The following RALYL variants were observed in gnomAD, a reference collection of about 807,000 sequenced individuals.
RALYL encodes the protein RNA-binding Raly-like protein.
Under a neutral mutation model 35.1 loss-of-function variants are expected in RALYL, and 29 were observed. The ratio of observed to expected loss-of-function variants is 0.83; its 90% confidence interval spans 0.61 to 1.13. RALYL has a LOEUF of 1.13. RALYL is among the 50% of genes most tolerant of loss of function. The probability of loss-of-function intolerance (pLI) is 0.00; values close to 1 mark genes in which losing one functional copy is unlikely to be tolerated. For synonymous variants in RALYL, 120 were observed against 127.6 expected, an observed-to-expected ratio of 0.94 and a Z score of 0.40; for missense variants, 359 against 360.4, an observed-to-expected ratio of 1.00 and a Z score of 0.03.
chr8:84,694,730 T>A (rs1352411663), intron 2 of RALYL, among the ~76,000 whole-genome samples: 2 of 151,840 alleles, frequency 1.3e-5, no homozygotes, highest in Non-Finnish European at 2.9e-5. Context: ...GTAATCAAAG[T>A]GGCATGGTAC....
At chr8:84,598,203 C>G (rs978893098) in intron 2 of RALYL, among the ~76,000 whole-genome samples, 1 of 152,128 alleles carries the variant, frequency 6.6e-6, no homozygotes, top group African/African-American at 2.4e-5. Flanking sequence ...GTCTTGCTCT[C>G]TCACCCAACC....
At chr8:84,208,864 C>G (rs10504798) in intron 1 of RALYL, among the ~76,000 whole-genome samples, 43,112 of 151,706 alleles carry the variant, frequency 0.28, 6,541 homozygotes, top group African/African-American at 0.39. Context: ...ATATAAGAGA[C>G]TTCTTTAACT....
intron 1 of RALYL, among the ~76,000 whole-genome samples, chr8:84,288,095 C>T (rs1838015204): frequency 6.6e-6 from 1 of 152,150 alleles, no homozygotes; most frequent in Non-Finnish European, 1.5e-5. Flanking sequence ...AGTGTGGAAA[C>T]AGAGCTGAGC....
At chr8:84,862,026 G>T (rs1477278907) in intron 5 of RALYL, among the ~76,000 whole-genome samples, 1 of 152,186 alleles carries the variant, frequency 6.6e-6, no homozygotes, top group Non-Finnish European at 1.5e-5. Context: ...TACTGTTGGA[G>T]CAAAGCTCCT....
intron 7 of RALYL, among the ~76,000 whole-genome samples, chr8:84,882,739 A>ACACACATACACACTCACACAAT (rs1563803891): frequency 6.6e-6 from 1 of 152,054 alleles, no homozygotes; most frequent in Non-Finnish European, 1.5e-5. Flanking sequence ...ATACACACAA[A>ACACACATACACACTCACACAAT]CACACATACA....
At chr8:84,713,053 CTTTTCTTCTATG>C (rs1159220389) in intron 2 of RALYL, among the ~76,000 whole-genome samples, 1 of 152,020 alleles carries the variant, frequency 6.6e-6, no homozygotes, top group African/African-American at 2.4e-5. Context: ...TGTCAAGAAG[CTTTTCTTCTATG>C]TTTTCTTCTA....
chr8:84,844,303 G>T (rs1188245146), intron 4 of RALYL, among the ~76,000 whole-genome samples: 3 of 152,118 alleles, frequency 2.0e-5, no homozygotes, highest in Non-Finnish European at 2.9e-5. Flanking sequence ...CAAAAAGTGG[G>T]CAAAGGACCT....
chr8:84,621,246 C>T (rs1014098696), intron 2 of RALYL, among the ~76,000 whole-genome samples: 11 of 152,128 alleles, frequency 7.2e-5, no homozygotes, highest in Non-Finnish European at 1.3e-4. Context: ...AGGGAGACTC[C>T]GTGGGCGTGG....
chr8:84,467,646 A>T (rs1248031217), intron 1 of RALYL, among the ~76,000 whole-genome samples: 1 of 151,988 alleles, frequency 6.6e-6, no homozygotes. Flanking sequence ...AGTTCTGTAG[A>T]TGTCTATTAG....
chr8:84,403,027 ATTTG>A (rs1354674234), intron 1 of RALYL, among the ~76,000 whole-genome samples: 7 of 152,182 alleles, frequency 4.6e-5, no homozygotes, highest in South Asian at 2.1e-4. Flanking sequence ...CTTCTTATAA[ATTTG>A]TTTAAGTTCC....
chr8:84,348,365 C>T (rs370225257), intron 1 of RALYL, among the ~76,000 whole-genome samples: 1 of 152,056 alleles, frequency 6.6e-6, no homozygotes, highest in Non-Finnish European at 1.5e-5. Flanking sequence ...GGCTTGCATG[C>T]ACTTTTTCTG....
intron 6 of RALYL, 150 bp downstream of exon 6, chr8:84,862,603 G>T: frequency 3.1e-6 from 2 of 645,856 alleles, no homozygotes; most frequent in Non-Finnish European, 2.3e-6. Context: ...GATAAAAAAT[G>T]GTCTCTGCTT....
intron 1 of RALYL, among the ~76,000 whole-genome samples, chr8:84,454,341 A>G (rs754199748): frequency 0.043 from 6,540 of 152,014 alleles, 167 homozygotes; most frequent in Middle Eastern, 0.078. Context: ...CTTTTTTAAA[A>G]ATCTGGTATC....
At chr8:84,679,825 G>A (rs1025754708) in intron 2 of RALYL, 3 of 422,154 alleles carry the variant, frequency 7.1e-6, no homozygotes, top group South Asian at 1.9e-5. Flanking sequence ...TGATCTAGAG[G>A]GTCAGACTCA....
chr8:84,250,780 A>G (rs576709702), intron 1 of RALYL, among the ~76,000 whole-genome samples: 3 of 152,282 alleles, frequency 2.0e-5, no homozygotes, highest in South Asian at 4.1e-4. Flanking sequence ...GACTTTTACT[A>G]AAGATTTATC....
At chr8:84,470,257 G>A (rs2052536623) in intron 1 of RALYL, among the ~76,000 whole-genome samples, 1 of 152,066 alleles carries the variant, frequency 6.6e-6, no homozygotes, top group Non-Finnish European at 1.5e-5. Context: ...ATAACATTAA[G>A]AGAATGATTA....
At chr8:84,554,047 C>A (rs62528222) in intron 2 of RALYL, among the ~76,000 whole-genome samples, 10,657 of 152,122 alleles carry the variant, frequency 0.07, 553 homozygotes, top group South Asian at 0.25. Context: ...GTTTTATTTT[C>A]TTATATTTCT....
chr8:84,425,731 C>G (rs2046333973), intron 1 of RALYL, among the ~76,000 whole-genome samples: 2 of 151,832 alleles, frequency 1.3e-5, no homozygotes, highest in South Asian at 4.2e-4. Context: ...CATGATCAAT[C>G]CAACAATAGC....
At chr8:84,897,834 T>C (rs1845005527) in intron 8 of RALYL, among the ~76,000 whole-genome samples, 1 of 152,192 alleles carries the variant, frequency 6.6e-6, no homozygotes, top group Admixed American at 6.5e-5. Flanking sequence ...TGGTTTCTGG[T>C]TTCACAGAGC....
Sources: allele counts gnomAD v4.1 joint callset (sites outside exome capture counted in the v4.1 genomes callset), GRCh38; gene constraint gnomAD v4.1.1; transcripts MANE v1.5; gene names NCBI Gene and HGNC (gene_info 2026-07-23, HGNC 2026-07-21).